KMT2C: variants seen among roughly 807,000 people sequenced by gnomAD.
KMT2C encodes histone-lysine N-methyltransferase 2C.
In KMT2C, 88 loss-of-function variants were observed where a neutral mutation model predicts 507.9. The observed-to-expected ratio is 0.17, with a 90% CI of 0.15 to 0.21. KMT2C has a LOEUF of 0.21. KMT2C is among the 10% of genes least tolerant of loss of function. KMT2C has a pLI of 1.00. For synonymous variants in KMT2C, 2,049 were observed against 2,080.8 expected, an observed-to-expected ratio of 0.98 and a Z score of 0.42; for missense variants, 4,954 against 5,957.8, an observed-to-expected ratio of 0.83 and a Z score of 5.55.
At chr7:152,428,463 A>T in intron 1 of KMT2C, among the ~76,000 whole-genome samples, 1 of 140,272 alleles carries the variant, frequency 7.1e-6, no homozygotes, top group East Asian at 2.0e-4. Context: ...AAATACAAAA[A>T]AAAAAAAAAA....
chr7:152,414,523 T>C (rs79191106), intron 1 of KMT2C, among the ~76,000 whole-genome samples: 1 of 151,864 alleles, frequency 6.6e-6, no homozygotes, highest in African/African-American at 2.4e-5. Context: ...CACGAAACTC[T>C]GTCTCAAAAA....
chr7:152,163,975 CA>C (rs34799025), intron 42 of KMT2C, 149 bp from the exon 43 acceptor site: 26,169 of 660,270 alleles, frequency 0.04, 1,210 homozygotes, highest in East Asian at 0.17. Flanking sequence ...GCAAAAGTCA[CA>C]AAAAAATTGA....
At chr7:152,384,540 T>C (rs527525527) in intron 1 of KMT2C, among the ~76,000 whole-genome samples, 1 of 23,750 alleles carries the variant, frequency 4.2e-5, no homozygotes, top group Non-Finnish European at 1.0e-4. Context: ...TTATCCCCCA[T>C]GTGCATAACA....
At chr7:152,234,323 C>T (rs1262276779) in intron 16 of KMT2C, among the ~76,000 whole-genome samples, 8 of 151,444 alleles carry the variant, frequency 5.3e-5, no homozygotes. Flanking sequence ...GCAGTGGTTG[C>T]ATGAGCTGAG....
At chr7:152,245,379 G>A (rs1285608839) in intron 14 of KMT2C, among the ~76,000 whole-genome samples, 11 of 152,184 alleles carry the variant, frequency 7.2e-5, no homozygotes, top group African/African-American at 2.7e-4. Flanking sequence ...CAGCTAGCCA[G>A]AACTGATGTT....
intron 1 of KMT2C, among the ~76,000 whole-genome samples, chr7:152,381,288 G>C (rs2097371345): frequency 1.4e-5 from 2 of 144,454 alleles, no homozygotes; most frequent in South Asian, 4.7e-4. Context: ...TGGGGAGAGG[G>C]AGTAATTTTT....
chr7:152,399,947 A>G (rs796931239), intron 1 of KMT2C, among the ~76,000 whole-genome samples: 14 of 152,240 alleles, frequency 9.2e-5, no homozygotes, highest in African/African-American at 3.1e-4. Context: ...ACAGACAAAA[A>G]TATTGGGGAG....
chr7:152,234,012 G>C (rs1407993185), intron 16 of KMT2C, among the ~76,000 whole-genome samples: 3 of 151,914 alleles, frequency 2.0e-5, no homozygotes, highest in Non-Finnish European at 4.4e-5. Context: ...GTGCGCGCCA[G>C]TAATCCCAGC....
At chr7:152,289,338 T>A (rs2096364979) in intron 6 of KMT2C, among the ~76,000 whole-genome samples, 1 of 152,200 alleles carries the variant, frequency 6.6e-6, no homozygotes, top group African/African-American at 2.4e-5. Flanking sequence ...ATTGAGAATA[T>A]CACTGATGAA....
intron 46 of KMT2C, among the ~76,000 whole-genome samples, chr7:152,155,603 T>A (rs553075186): frequency 3.3e-5 from 5 of 152,326 alleles, no homozygotes; most frequent in South Asian, 2.1e-4. Flanking sequence ...TTCTGAAATA[T>A]GTTGCATGGA....
chr7:152,434,514 G>T (rs2097897316), intron 1 of KMT2C, among the ~76,000 whole-genome samples: 1 of 152,104 alleles, frequency 6.6e-6, no homozygotes, highest in African/African-American at 2.4e-5. Context: ...CAAAGAAACA[G>T]CCTATCCATA....
At chr7:152,329,752 G>A (rs1589230158) in intron 3 of KMT2C, among the ~76,000 whole-genome samples, 1 of 151,006 alleles carries the variant, frequency 6.6e-6, no homozygotes, top group Non-Finnish European at 1.5e-5. Flanking sequence ...AGGGAAGGAA[G>A]GAGATGGGAG....
At position 152,158,929 on chromosome 7, in the gene KMT2C, C is replaced by A. The variant is rs2129101475; in HGVS notation, c.11604G>T (p.Arg3868Ser). 6.2e-7 allele frequency: 1 copy of A among 1,614,166 alleles called. No individual in the cohort carries two copies. The highest frequency in any genetic ancestry group is 8.5e-7 in the Non-Finnish European group (1 of 1,180,028). The change falls in exon 44 of 59, where the codon AGG becomes AGT. Residue 3868 changes from arginine to serine, a missense_variant. By Grantham distance (110) the Arg-to-Ser change is moderately radical. Around this residue, in one of 29 missense-constraint regions of KMT2C, gnomAD observed 801 missense variants for 751.2 expected, o/e 1.07. Coordinates refer to ENST00000262189, the MANE Select transcript of KMT2C (RefSeq NM_170606.3). ...GEKAAPRSKK[R>S]KKDEEEKQAM... ...CTTGTTTCTCCTCTTCGTCCTTTTT[C>A]CTTTTCTTTGAGCGAGGTGCTGCTT... is the stretch of plus-strand genomic sequence containing the variant.
At chr7:152,178,835 C>T (rs532638892) in intron 37 of KMT2C, among the ~76,000 whole-genome samples, 1 of 152,172 alleles carries the variant, frequency 6.6e-6, no homozygotes, top group South Asian at 2.1e-4. Context: ...GAACTATTTC[C>T]TTATTATAAC....
chr7:152,410,424 A>G (rs2097669528), intron 1 of KMT2C, among the ~76,000 whole-genome samples: 1 of 151,228 alleles, frequency 6.6e-6, no homozygotes, highest in South Asian at 2.1e-4. Context: ...AAAAAAAAAA[A>G]AAAATTAGCC....
chr7:152,385,379 G>A (rs1445956549), intron 1 of KMT2C, among the ~76,000 whole-genome samples: 1 of 135,570 alleles, frequency 7.4e-6, no homozygotes, highest in Non-Finnish European at 1.5e-5. Flanking sequence ...TTGGGAGGCC[G>A]AGGCGGGCGG....
intron 24 of KMT2C, among the ~76,000 whole-genome samples, chr7:152,206,978 T>C (rs2094325971): frequency 6.6e-6 from 1 of 152,074 alleles, no homozygotes; most frequent in Admixed American, 6.6e-5. Context: ...GAAGTACACA[T>C]CCAGAGGAAC....
intron 1 of KMT2C, among the ~76,000 whole-genome samples, chr7:152,389,566 C>A (rs530858406): frequency 2.0e-5 from 3 of 152,002 alleles, no homozygotes; most frequent in African/African-American, 7.3e-5. Flanking sequence ...GCAATCCTCC[C>A]AAGTAGCTGG....
chr7:152,201,242 C>T (rs1458058069), intron 26 of KMT2C, among the ~76,000 whole-genome samples: 1 of 150,502 alleles, frequency 6.6e-6, no homozygotes, highest in Non-Finnish European at 1.5e-5. Context: ...TCTAAAAGTC[C>T]AAGAAAACTA....
Sources: allele counts gnomAD v4.1 joint callset (sites outside exome capture counted in the v4.1 genomes callset), GRCh38; gene constraint gnomAD v4.1.1; regional missense constraint gnomAD v4.1.1; transcripts MANE v1.5; gene names NCBI Gene and HGNC (gene_info 2026-07-23, HGNC 2026-07-21).